PDE1A: variants seen among roughly 807,000 people sequenced by gnomAD.
The protein encoded by PDE1A is dual specificity calcium/calmodulin-dependent 3',5'-cyclic nucleotide phosphodiesterase 1A.
Under a neutral mutation model 61.7 loss-of-function variants are expected in PDE1A, and 35 were observed. The observed-to-expected ratio is 0.57, with a 90% confidence interval of 0.43 to 0.75. The LOEUF is 0.75. Ranked by LOEUF, PDE1A falls within the 30% of genes least tolerant of loss-of-function variation. The probability of loss-of-function intolerance (pLI) is 0.00; values close to 1 mark genes in which losing one functional copy is unlikely to be tolerated. For synonymous variants in PDE1A, 232 were observed against 213.2 expected (o/e 1.09, Z -0.77); for missense variants, 597 against 630.6 (o/e 0.95, Z 0.57).
At chr2:182,564,775 C>T in the PDE1A span, among the ~76,000 whole-genome samples, 1 of 152,078 alleles carries the variant, frequency 6.6e-6, no homozygotes, top group Non-Finnish European at 1.5e-5. Flanking sequence ...TTTCTCTAAA[C>T]TTCCCTTCTC....
intron 1 of PDE1A, among the ~76,000 whole-genome samples, chr2:182,414,915 T>C (rs766852616): frequency 3.3e-5 from 5 of 152,116 alleles, no homozygotes; most frequent in African/African-American, 1.2e-4. Flanking sequence ...TACAGAATAA[T>C]TGAAAAGAAA....
chr2:182,219,466 A>C (rs1353603923), intron 7 of PDE1A, among the ~76,000 whole-genome samples: 1 of 152,096 alleles, frequency 6.6e-6, no homozygotes, highest in Admixed American at 6.6e-5. Flanking sequence ...AAGCAAAATC[A>C]CTATGTTCAA....
intron 1 of PDE1A, among the ~76,000 whole-genome samples, chr2:182,398,635 C>T (rs889142210): frequency 1.3e-5 from 2 of 151,884 alleles, no homozygotes; most frequent in Admixed American, 1.3e-4. Flanking sequence ...GTCCACTGAG[C>T]CTTCAGAGGT....
At chr2:182,505,043 TC>T (rs1362392079) in intron 2 of PDE1A, among the ~76,000 whole-genome samples, 2 of 152,206 alleles carry the variant, frequency 1.3e-5, no homozygotes, top group Non-Finnish European at 2.9e-5. Flanking sequence ...TCAGCTTATC[TC>T]CCTGTCTGAC....
upstream of PDE1A, among the ~76,000 whole-genome samples, chr2:182,527,345 T>C (rs867814845): frequency 3.5e-5 from 1 of 28,888 alleles, no homozygotes; most frequent in Admixed American, 5.1e-4. Context: ...TATATATATA[T>C]ATATATATAT....
chr2:182,152,474 G>A (rs1263208162), intron 13 of PDE1A, among the ~76,000 whole-genome samples: 2 of 125,566 alleles, frequency 1.6e-5, no homozygotes, highest in African/African-American at 6.1e-5. Context: ...AGGCTGGAGT[G>A]CAATGGCATC....
chr2:182,325,632 A>G (rs1696988697), intron 1 of PDE1A, among the ~76,000 whole-genome samples: 1 of 152,054 alleles, frequency 6.6e-6, no homozygotes, highest in African/African-American at 2.4e-5. Flanking sequence ...CAAAATAAAA[A>G]CCCAGCTGGG....
At chr2:182,289,026 T>C (rs756699379) in intron 1 of PDE1A, among the ~76,000 whole-genome samples, 1 of 149,746 alleles carries the variant, frequency 6.7e-6, no homozygotes, top group Non-Finnish European at 1.5e-5. Flanking sequence ...CCTTTTGCTA[T>C]ACCACTCTTC....
At chr2:182,648,670 AG>A in the PDE1A span, among the ~76,000 whole-genome samples, 3 of 151,128 alleles carry the variant, frequency 2.0e-5, no homozygotes, top group African/African-American at 7.3e-5. Context: ...TACTGCACTC[AG>A]CCTGGGTGGC....
chr2:182,426,947 C>T, exon 1 of PDE1A: 1 of 1,074,764 alleles, frequency 9.3e-7, no homozygotes, highest in Non-Finnish European at 1.1e-6. Context: ...AAACAGAAAA[C>T]TTCCTACCCC....
Position 182,333,234 on chromosome 2 carries a change from T to C in PDE1A, c.54-68820A>G, listed in dbSNP as rs112663574. On this transcript the variant is annotated intron_variant, in intron 1 of 13. Coordinates refer to ENST00000351439, the Ensembl canonical transcript of PDE1A. ...TCAGCTCTGGACCAAGCAGACTTAA[T>C]AGACATCTACAGAACTCTCCATCCC... 2.6e-5 allele frequency among the ~76,000 whole-genome samples: 4 copies of C among 152,268 alleles called. 1 individual carries two copies. The highest frequency in any genetic ancestry group is 7.2e-5 in the African/African-American group (3 of 41,554).
chr2:182,579,380 C>T, the PDE1A span, among the ~76,000 whole-genome samples: 1 of 152,214 alleles, frequency 6.6e-6, no homozygotes, highest in Non-Finnish European at 1.5e-5. Context: ...AGCAAGGTGG[C>T]AGGCATATAA....
At position 182,147,164 on chromosome 2, in the gene PDE1A, A is replaced by C; in HGVS notation, c.1517-12T>G. 6.6e-7 allele frequency: 1 copy of C among 1,504,794 alleles called. No homozygotes were observed. The highest frequency in any genetic ancestry group is 1.7e-4 in the Middle Eastern group (1 of 5,750). 93.2% of individuals were successfully genotyped at this position (1,504,794 alleles called of 1,614,324 possible). A position where few individuals can be genotyped will look rare whatever the true frequency, so the allele number is the denominator to read the frequency against. ...AAGATCAGATTCACCTAAAAATATA[A>C]GGAAACAAAAGCAAAACAAAACAAA... is the stretch of plus-strand genomic sequence containing the variant. On this transcript the variant is annotated splice_polypyrimidine_tract_variant and intron_variant, in intron 13 of 13. Coordinates refer to the PDE1A transcript ENST00000409365.
chr2:182,186,014 A>G (rs751294326), exon 13 of PDE1A: 2 of 1,614,064 alleles, frequency 1.2e-6, no homozygotes, highest in South Asian at 1.1e-5. Context: ...CCCATCACTC[A>G]TGGAGCCTTT....
At chr2:182,221,368 C>T (rs1008915038) in intron 7 of PDE1A, among the ~76,000 whole-genome samples, 16 of 152,072 alleles carry the variant, frequency 1.1e-4, no homozygotes, top group Admixed American at 2.6e-4. Flanking sequence ...CAGTGATGAG[C>T]GATCTTTAAT....
chr2:182,685,661 T>C, the PDE1A span, among the ~76,000 whole-genome samples: 1 of 152,338 alleles, frequency 6.6e-6, no homozygotes, highest in East Asian at 1.9e-4. Flanking sequence ...CTCTCCTGTC[T>C]GCACTCTGTC....
At chr2:182,585,377 A>G in the PDE1A span, among the ~76,000 whole-genome samples, 6 of 152,310 alleles carry the variant, frequency 3.9e-5, no homozygotes, top group South Asian at 1.2e-3. Flanking sequence ...TCAATCAGAG[A>G]TTTCTCCATT....
intron 1 of PDE1A, among the ~76,000 whole-genome samples, chr2:182,312,638 G>T (rs953442595): frequency 1.3e-5 from 2 of 151,998 alleles, no homozygotes; most frequent in African/African-American, 4.8e-5. Flanking sequence ...TTAATTTGTG[G>T]ACTCCACTTT....
At chr2:182,414,205 A>T (rs1271332326) in intron 1 of PDE1A, among the ~76,000 whole-genome samples, 1 of 152,120 alleles carries the variant, frequency 6.6e-6, no homozygotes, top group East Asian at 1.9e-4. Context: ...AAGATAAATG[A>T]ATGGAAGGAA....
Sources: allele counts gnomAD v4.1 joint callset (sites outside exome capture counted in the v4.1 genomes callset), GRCh38; gene constraint gnomAD v4.1.1; transcripts MANE v1.5; gene names NCBI Gene and HGNC (gene_info 2026-07-23, HGNC 2026-07-21).